The following SVIL variants were observed in gnomAD, a reference collection of about 807,000 sequenced individuals.
SVIL encodes archvillin.
In SVIL, 101 loss-of-function variants were observed where a neutral mutation model predicts 240.4. That is an observed-to-expected ratio of 0.42 (90% confidence interval 0.36 to 0.50). The LOEUF is 0.50. SVIL is among the 20% of genes least tolerant of loss of function. The pLI is 0.01. For synonymous variants in SVIL, 999 were observed against 1,100.0 expected (o/e 0.91, Z 1.82); for missense variants, 2,512 against 2,818.7 (o/e 0.89, Z 2.46).
At chr10:29,660,262 T>A (rs1379382463) in intron 2 of SVIL, among the ~76,000 whole-genome samples, 2 of 152,032 alleles carry the variant, frequency 1.3e-5, no homozygotes, top group African/African-American at 4.8e-5. Context: ...TGAGCTACGA[T>A]TGTACCACTG....
At chr10:29,691,411 C>T (rs1161437754) in intron 1 of SVIL, among the ~76,000 whole-genome samples, 8 of 152,044 alleles carry the variant, frequency 5.3e-5, no homozygotes, top group African/African-American at 1.7e-4. Context: ...CGGTGTTTCA[C>T]CGTGTTAGGC....
chr10:29,665,783 G>C lies in SVIL; in HGVS notation c.-300-7715C>G, dbSNP rs557016825. Among the ~76,000 whole-genome samples the C allele has an allele frequency of 2.5e-4, 38 of 149,992 alleles. No individual in the cohort carries two copies. The East Asian group carries it at 7.0e-3, about 28-fold the overall frequency. On this transcript the variant is annotated intron_variant, in intron 2 of 35. Transcript: ENST00000375400. Reference sequence around the variant, plus strand: ...CACTCCAGCCTGGACAACAGAGTGAGACTCCATCTCAAAAACAAACAAACA... The same window carrying C: ...CACTCCAGCCTGGACAACAGAGTGACACTCCATCTCAAAAACAAACAAACA...
At chr10:29,521,412 G>A (rs1262053932) in intron 16 of SVIL, among the ~76,000 whole-genome samples, 3 of 152,090 alleles carry the variant, frequency 2.0e-5, no homozygotes, top group East Asian at 1.9e-4. Context: ...GGGAACAGGC[G>A]ATGGAAATGG....
chr10:29,620,967 A>ATT (rs1287672631), intron 1 of SVIL, among the ~76,000 whole-genome samples: 2 of 149,880 alleles, frequency 1.3e-5, no homozygotes, highest in African/African-American at 5.0e-5. Context: ...TTATTCTTAA[A>ATT]ATTTTTTTTT....
chr10:29,614,429 AGAC>A (rs1462597014), intron 1 of SVIL, among the ~76,000 whole-genome samples: 1 of 152,216 alleles, frequency 6.6e-6, no homozygotes, highest in Non-Finnish European at 1.5e-5. Flanking sequence ...CATCAATGAT[AGAC>A]TGGATAAAGA....
At chr10:29,477,914 C>T (rs542842634) in intron 29 of SVIL, among the ~76,000 whole-genome samples, 53 of 152,312 alleles carry the variant, frequency 3.5e-4, no homozygotes, top group East Asian at 1.2e-3. Flanking sequence ...CTGAACTCTT[C>T]GCTTTATTTT....
At chr10:29,596,821 C>T (rs1379779054) in intron 1 of SVIL, among the ~76,000 whole-genome samples, 4 of 152,212 alleles carry the variant, frequency 2.6e-5, no homozygotes, top group African/African-American at 7.2e-5. Flanking sequence ...ATCTTCACAC[C>T]GCATAAATGG....
At chr10:29,620,196 T>C (rs919252240) in intron 1 of SVIL, among the ~76,000 whole-genome samples, 10 of 151,656 alleles carry the variant, frequency 6.6e-5, no homozygotes, top group Admixed American at 2.0e-4. Context: ...CAGATATCCA[T>C]AGCCATGTTG....
chr10:29,669,670 T>A (rs914443281), intron 2 of SVIL, among the ~76,000 whole-genome samples: 1 of 152,078 alleles, frequency 6.6e-6, no homozygotes, highest in Non-Finnish European at 1.5e-5. Context: ...GTGGAGGCAC[T>A]GAGAAGTGGC....
chr10:29,465,846 C>T (rs1161319603), intron 33 of SVIL, 96 bp from the exon 34 acceptor site: 1 of 1,466,610 alleles, frequency 6.8e-7, no homozygotes. Flanking sequence ...ATTCAAAGCA[C>T]TGTGGAAACA....
At chr10:29,585,813 G>A (rs534045750) in intron 1 of SVIL, among the ~76,000 whole-genome samples, 2 of 152,368 alleles carry the variant, frequency 1.3e-5, no homozygotes, top group South Asian at 4.1e-4. Flanking sequence ...GTGAGCCGCG[G>A]TTCGCGTCTG....
intron 3 of SVIL, among the ~76,000 whole-genome samples, chr10:29,655,077 T>A: frequency 6.6e-6 from 1 of 152,158 alleles, no homozygotes; most frequent in East Asian, 1.9e-4. Flanking sequence ...AGGTGTTTTT[T>A]AATCCAGCCA....
intron 13 of SVIL, among the ~76,000 whole-genome samples, chr10:29,526,451 C>T (rs1464196694): frequency 6.6e-6 from 1 of 151,954 alleles, no homozygotes; most frequent in African/African-American, 2.4e-5. Flanking sequence ...ATTACTGGCA[C>T]ATGCCACCAT....
intron 1 of SVIL, among the ~76,000 whole-genome samples, chr10:29,710,556 T>A (rs1422361218): frequency 6.6e-6 from 1 of 152,208 alleles, no homozygotes; most frequent in Non-Finnish European, 1.5e-5. Flanking sequence ...CAAATTACTA[T>A]ATAATTGTAT....
intron 2 of SVIL, among the ~76,000 whole-genome samples, chr10:29,663,621 G>T (rs1446475687): frequency 1.3e-5 from 2 of 152,210 alleles, no homozygotes; most frequent in Admixed American, 6.5e-5. Flanking sequence ...CTCCCAAAGT[G>T]CTGGGATTAC....
intron 3 of SVIL, chr10:29,647,354 T>C (rs1003496433): frequency 1.3e-5 from 2 of 152,154 alleles, no homozygotes; most frequent in Non-Finnish European, 1.5e-5. Context: ...TTTGCACAGC[T>C]GTATTCAATT....
chr10:29,731,982 G>C (rs1456164643), intron 1 of SVIL, among the ~76,000 whole-genome samples: 1 of 152,220 alleles, frequency 6.6e-6, no homozygotes. Flanking sequence ...TGGAAGCGAC[G>C]GCCCAGCGCA....
chr10:29,518,108 G>A (rs1950331809), intron 16 of SVIL, among the ~76,000 whole-genome samples: 1 of 152,106 alleles, frequency 6.6e-6, no homozygotes, highest in Non-Finnish European at 1.5e-5. Context: ...TTTTTTTAAG[G>A]CTGGGTGTGG....
intron 3 of SVIL, among the ~76,000 whole-genome samples, chr10:29,642,293 C>T (rs946004699): frequency 2.0e-5 from 3 of 151,656 alleles, no homozygotes; most frequent in African/African-American, 7.3e-5. Context: ...CAGCTACTCC[C>T]GAGGCTGAGA....
Sources: allele counts gnomAD v4.1 joint callset (sites outside exome capture counted in the v4.1 genomes callset), GRCh38; gene constraint gnomAD v4.1.1; transcripts MANE v1.5; gene names NCBI Gene and HGNC (gene_info 2026-07-23, HGNC 2026-07-21).